DLG2: variants seen among roughly 807,000 people sequenced by gnomAD.
The protein encoded by DLG2 is disks large homolog 2.
Under a neutral mutation model 132.5 loss-of-function variants are expected in DLG2, and 45 were observed. The observed-to-expected ratio is 0.34, with a 90% CI of 0.27 to 0.44. The LOEUF is 0.44. Among genes scored for constraint, DLG2 ranks in the 20% least tolerant of loss-of-function variants. The pLI, the probability that DLG2 is intolerant of heterozygous loss-of-function variation, is 1.00. For missense variants in DLG2, 1,045 were observed against 1,196.9 expected, an observed-to-expected ratio of 0.87 and a Z score of 1.87; for synonymous variants, 424 against 419.6, an observed-to-expected ratio of 1.01 and a Z score of -0.13.
At chr11:85,155,039 C>G (rs72961557) in intron 4 of DLG2, among the ~76,000 whole-genome samples, 8,104 of 152,224 alleles carry the variant, frequency 0.053, 316 homozygotes, top group African/African-American at 0.1. Context: ...TTGGAGCTCT[C>G]AGAACTAGCA....
intron 6 of DLG2, among the ~76,000 whole-genome samples, chr11:84,949,910 AGT>A (rs1368044147): frequency 4.6e-5 from 7 of 152,222 alleles, no homozygotes; most frequent in African/African-American, 1.4e-4. Context: ...GGAAGTGATA[AGT>A]GTCCATGAAA....
At chr11:84,901,705 T>C (rs61563882) in intron 6 of DLG2, among the ~76,000 whole-genome samples, 6 of 152,090 alleles carry the variant, frequency 3.9e-5, no homozygotes, top group African/African-American at 1.2e-4. Flanking sequence ...ATTTGATTTA[T>C]ACAGCAGACC....
At chr11:83,593,722 T>C (rs971555101) in intron 19 of DLG2, among the ~76,000 whole-genome samples, 1 of 151,090 alleles carries the variant, frequency 6.6e-6, no homozygotes, top group Non-Finnish European at 1.5e-5. Flanking sequence ...ATAAAAATCA[T>C]GTGGAAATCC....
chr11:84,567,591 T>C (rs1219906837), intron 6 of DLG2, among the ~76,000 whole-genome samples: 1 of 152,184 alleles, frequency 6.6e-6, no homozygotes, highest in African/African-American at 2.4e-5. Context: ...TGACAAACTA[T>C]TAAAATTAGT....
intron 6 of DLG2, among the ~76,000 whole-genome samples, chr11:85,015,914 T>G (rs1012244891): frequency 1.3e-4 from 20 of 152,178 alleles, no homozygotes; most frequent in African/African-American, 4.6e-4. Context: ...TATCTCTGAT[T>G]CTATGAAATG....
At chr11:85,240,713 C>T (rs1325026045) in intron 4 of DLG2, among the ~76,000 whole-genome samples, 3 of 151,744 alleles carry the variant, frequency 2.0e-5, no homozygotes, top group African/African-American at 4.8e-5. Context: ...ACATTTCACA[C>T]ACATAAGTTT....
At chr11:83,986,593 T>A (rs1040700771) in intron 11 of DLG2, among the ~76,000 whole-genome samples, 1 of 151,726 alleles carries the variant, frequency 6.6e-6, no homozygotes, top group Non-Finnish European at 1.5e-5. Flanking sequence ...GATGGCTGGG[T>A]CAAATGGTAT....
chr11:85,464,153 C>A (rs1473256322), intron 3 of DLG2, among the ~76,000 whole-genome samples: 1 of 152,128 alleles, frequency 6.6e-6, no homozygotes, highest in African/African-American at 2.4e-5. Flanking sequence ...TAGTTTCCAA[C>A]ACTACATCAT....
At chr11:84,666,274 T>C (rs2099699633) in intron 6 of DLG2, among the ~76,000 whole-genome samples, 1 of 152,136 alleles carries the variant, frequency 6.6e-6, no homozygotes, top group African/African-American at 2.4e-5. Flanking sequence ...AACAAACAAC[T>C]GACTCTTCTC....
intron 6 of DLG2, among the ~76,000 whole-genome samples, chr11:84,973,598 C>G (rs562084907): frequency 1.8e-4 from 28 of 152,184 alleles, no homozygotes; most frequent in Admixed American, 1.5e-3. Flanking sequence ...CACATTGATA[C>G]AAAATGATTT....
intron 19 of DLG2, among the ~76,000 whole-genome samples, chr11:83,575,209 C>A (rs1016494959): frequency 6.6e-6 from 1 of 152,118 alleles, no homozygotes; most frequent in African/African-American, 2.4e-5. Flanking sequence ...TAAAATCAGA[C>A]AAACTATAGG....
chr11:84,546,735 A>C (rs1168337442), intron 6 of DLG2: 2 of 429,186 alleles, frequency 4.7e-6, no homozygotes, highest in Non-Finnish European at 9.1e-6. Flanking sequence ...GAGTGCTCCC[A>C]ATTGCTCACA....
intron 6 of DLG2, among the ~76,000 whole-genome samples, chr11:84,756,548 G>T (rs2066898912): frequency 6.6e-6 from 1 of 152,072 alleles, no homozygotes; most frequent in East Asian, 1.9e-4. Context: ...AAAATTTCCA[G>T]AAAAATACAG....
At chr11:84,087,335 T>C (rs1345391331) in intron 10 of DLG2, among the ~76,000 whole-genome samples, 2 of 152,198 alleles carry the variant, frequency 1.3e-5, no homozygotes, top group East Asian at 3.9e-4. Context: ...TCTTTTTTAT[T>C]ATAGCCATTC....
chr11:84,271,009 G>C (rs371539392), intron 7 of DLG2, among the ~76,000 whole-genome samples: 2 of 152,110 alleles, frequency 1.3e-5, no homozygotes, highest in South Asian at 2.1e-4. Context: ...ATACATGTGT[G>C]TACATGAAAT....
intron 18 of DLG2, among the ~76,000 whole-genome samples, chr11:83,737,676 G>A (rs759945445): frequency 4.6e-5 from 7 of 152,150 alleles, no homozygotes; most frequent in Admixed American, 6.6e-5. Flanking sequence ...TAAATAGGCC[G>A]GGTGTGGTGG....
At chr11:85,583,613 TTAAGAAACTCTTAGG>T (rs1343544999) in intron 3 of DLG2, among the ~76,000 whole-genome samples, 1 of 152,212 alleles carries the variant, frequency 6.6e-6, no homozygotes, top group African/African-American at 2.4e-5. Flanking sequence ...AAATGTTTCC[TTAAGAAACTCTTAGG>T]ACTGGCCCTT....
chr11:84,068,559 C>T (rs1373192490), intron 10 of DLG2, among the ~76,000 whole-genome samples: 3 of 151,792 alleles, frequency 2.0e-5, no homozygotes, highest in South Asian at 2.1e-4. Flanking sequence ...AATAAAAATA[C>T]AGGACAATCA....
chr11:84,754,371 T>G (rs895674654), intron 6 of DLG2, among the ~76,000 whole-genome samples: 7 of 152,190 alleles, frequency 4.6e-5, no homozygotes, highest in Admixed American at 3.9e-4. Context: ...TTGAAGTGGA[T>G]GTTTTCTTTA....
Sources: allele counts gnomAD v4.1 joint callset (sites outside exome capture counted in the v4.1 genomes callset), GRCh38; gene constraint gnomAD v4.1.1; transcripts MANE v1.5; gene names NCBI Gene and HGNC (gene_info 2026-07-23, HGNC 2026-07-21).